Variants in CPEB3 observed in about 807,000 individuals in gnomAD.
The protein encoded by CPEB3 is cytoplasmic polyadenylation element-binding protein 3.
A neutral mutation model predicts 67.2 loss-of-function variants in CPEB3; 20 were observed. That is an observed-to-expected ratio of 0.30 (90% CI 0.21 to 0.43). The LOEUF (loss-of-function observed/expected upper bound fraction) is 0.43. CPEB3 is among the 20% of genes least tolerant of loss of function. The pLI is 1.00. For synonymous variants in CPEB3, 376 were observed against 393.1 expected (o/e 0.96, Z 0.51); for missense variants, 746 against 968.6 (o/e 0.77, Z 3.05).
intron 1 of CPEB3, among the ~76,000 whole-genome samples, chr10:92,280,023 AAGAGAGAAAGAG>A (rs1282084806): frequency 3.3e-5 from 5 of 151,892 alleles, no homozygotes; most frequent in South Asian, 2.1e-4. Context: ...AAAAGAAAGA[AAGAGAGAAAGAG>A]AGAGAGAAAG....
At chr10:92,286,630 C>T (rs1251638043) in intron 1 of CPEB3, among the ~76,000 whole-genome samples, 1 of 149,146 alleles carries the variant, frequency 6.7e-6, no homozygotes, top group East Asian at 1.9e-4. Flanking sequence ...TTGCTACTAG[C>T]ATACCTATGC....
chr10:92,225,743 A>G (rs1487042708), intron 2 of CPEB3, among the ~76,000 whole-genome samples: 1 of 152,218 alleles, frequency 6.6e-6, no homozygotes, highest in Non-Finnish European at 1.5e-5. Flanking sequence ...CAGACACAAA[A>G]AAGAAATAAT....
intron 1 of CPEB3, among the ~76,000 whole-genome samples, chr10:92,247,310 C>T (rs915146375): frequency 2.6e-5 from 4 of 152,268 alleles, no homozygotes; most frequent in Non-Finnish European, 4.4e-5. Flanking sequence ...CTCCACCTCC[C>T]AGGTTCAAGC....
chr10:92,186,466 G>A (rs1398319168), intron 3 of CPEB3, among the ~76,000 whole-genome samples: 8 of 144,848 alleles, frequency 5.5e-5, no homozygotes, highest in African/African-American at 1.0e-4. Flanking sequence ...ATGGAGTCTC[G>A]CTCTGTCACC....
chr10:92,132,458 T>A (rs1845887102), intron 6 of CPEB3, among the ~76,000 whole-genome samples: 1 of 152,202 alleles, frequency 6.6e-6, no homozygotes, highest in African/African-American at 2.4e-5. Context: ...TATTTTCTTA[T>A]TGTCTTGCAG....
intron 3 of CPEB3, among the ~76,000 whole-genome samples, chr10:92,185,457 C>A (rs1848644748): frequency 6.6e-6 from 1 of 152,018 alleles, no homozygotes; most frequent in African/African-American, 2.4e-5. Flanking sequence ...AATTCACATT[C>A]ATATTTAAAA....
chr10:92,239,497 G>T lies in CPEB3; in HGVS notation c.854C>A (p.Pro285Gln), dbSNP rs370884461. The change falls in exon 2 of 10, where the codon CCG (proline) becomes CAG (glutamine). Residue 285 changes from proline to glutamine, a missense_variant. Physicochemically the swap from Pro to Gln is moderately conservative, Grantham distance 76 (BLOSUM62 -1). Around this residue, in one of 2 missense-constraint regions of CPEB3, gnomAD observed 643 missense variants for 717.5 expected, o/e 0.90. Transcript: ENST00000265997. The surrounding 1 kb of genome is among the most constrained non-coding windows in gnomAD (Gnocchi z 6.0). ...TTTGAGCGGCGAGATGGGGTTGAGC[G>T]GGGAAGGCACCCCGACACCCACACC... ...GVGVGVGVPS[P>Q]LNPISPLKKP... 6.3e-7 allele frequency: 1 copy of T among 1,583,838 alleles called. No homozygotes were observed. Among genetic ancestry groups the T allele is most frequent in the Non-Finnish European group, 8.6e-7 (1 of 1,164,608 alleles).
chr10:92,067,096 A>T (rs913830686), intron 9 of CPEB3, among the ~76,000 whole-genome samples: 3 of 150,816 alleles, frequency 2.0e-5, no homozygotes, highest in Non-Finnish European at 3.0e-5. Flanking sequence ...ATTTTTTTAT[A>T]AATAAAAATA....
chr10:92,233,609 G>GAA (rs971514098), intron 2 of CPEB3, among the ~76,000 whole-genome samples: 1 of 150,074 alleles, frequency 6.7e-6, no homozygotes, highest in Non-Finnish European at 1.5e-5. Context: ...CAAACTACTT[G>GAA]AAAAATATTG....
Position 92,239,948 on chromosome 10 carries a change from G to T in CPEB3, c.403C>A (p.Leu135Ile). ...ACATGGTGCGGGAAGTTCTGGAAGA[G>T]CATGGTCCCGTTGACTGGGGTGATC... ...QGITPVNGTMLFQNFPHHVNP... is the reference protein window; with the variant it reads ...QGITPVNGTMIFQNFPHHVNP... The change falls in exon 2 of 10, where the codon CTC (leucine) becomes ATC (isoleucine). Residue 135 changes from leucine to isoleucine, a missense_variant. This residue lies in a region of CPEB3 where 643 missense variants were observed against 717.5 expected (regional missense o/e 0.90). Coordinates refer to ENST00000265997, the MANE Select transcript of CPEB3 (RefSeq NM_014912.5). The surrounding 1 kb of genome is among the most constrained non-coding windows in gnomAD (Gnocchi z 6.0). 1 of 1,613,560 alleles carries T rather than the reference G, an allele frequency of 6.2e-7. No individual in the cohort carries two copies. The highest frequency in any genetic ancestry group is 1.1e-5 in the South Asian group (1 of 90,948).
chr10:92,196,881 T>A (rs1347188806), intron 2 of CPEB3, among the ~76,000 whole-genome samples: 1 of 149,398 alleles, frequency 6.7e-6, no homozygotes, highest in Non-Finnish European at 1.5e-5. Flanking sequence ...GCAGTGAGCC[T>A]AGATCACACC....
At chr10:92,053,600 G>GGT (rs1467848224) in intron 9 of CPEB3, among the ~76,000 whole-genome samples, 1 of 147,284 alleles carries the variant, frequency 6.8e-6, no homozygotes, top group Non-Finnish European at 1.5e-5. Flanking sequence ...GGAGTGCAGT[G>GGT]GCACGATCTC....
intron 1 of CPEB3, among the ~76,000 whole-genome samples, chr10:92,255,743 C>G (rs188420273): frequency 1.3e-5 from 2 of 152,328 alleles, no homozygotes; most frequent in Admixed American, 1.3e-4. Context: ...ATTTGTTACA[C>G]AACAGTAGCA....
chr10:92,232,444 C>T (rs1479280129), intron 2 of CPEB3, among the ~76,000 whole-genome samples: 2 of 151,968 alleles, frequency 1.3e-5, no homozygotes, highest in African/African-American at 2.4e-5. Context: ...GATGGCATTA[C>T]ACCTTATACA....
intron 7 of CPEB3, among the ~76,000 whole-genome samples, chr10:92,097,745 TG>T (rs762421260): frequency 2.6e-5 from 4 of 152,186 alleles, no homozygotes; most frequent in Non-Finnish European, 5.9e-5. Flanking sequence ...CTGTGGAACA[TG>T]GGTCCCTAGG....
chr10:92,215,478 T>A (rs1407521391), intron 2 of CPEB3, among the ~76,000 whole-genome samples: 2 of 148,932 alleles, frequency 1.3e-5, no homozygotes, highest in Non-Finnish European at 3.0e-5. Context: ...AGTCTCACTC[T>A]GTCACCAGGC....
intron 9 of CPEB3, among the ~76,000 whole-genome samples, chr10:92,064,543 G>C (rs548407183): frequency 5.9e-5 from 9 of 152,304 alleles, no homozygotes; most frequent in African/African-American, 2.2e-4. Flanking sequence ...GCATTGTCAG[G>C]CTTTATCAAC....
chr10:92,144,374 T>C (rs1181834316), intron 5 of CPEB3, among the ~76,000 whole-genome samples: 1 of 152,090 alleles, frequency 6.6e-6, no homozygotes, highest in East Asian at 1.9e-4. Context: ...TGGGCTCAAG[T>C]GATCTCCCAC....
At chr10:92,289,336 G>A (rs927189867) in intron 1 of CPEB3, among the ~76,000 whole-genome samples, 2 of 151,718 alleles carry the variant, frequency 1.3e-5, no homozygotes, top group Middle Eastern at 3.4e-3. Flanking sequence ...TCAGAAGTTC[G>A]AGACCAGCCT....
Sources: allele counts gnomAD v4.1 joint callset (sites outside exome capture counted in the v4.1 genomes callset), GRCh38; gene constraint gnomAD v4.1.1; regional missense constraint gnomAD v4.1.1; non-coding constraint Gnocchi (gnomAD v3.1); transcripts MANE v1.5; gene names NCBI Gene and HGNC (gene_info 2026-07-23, HGNC 2026-07-21).